PDE10A: variants seen among roughly 807,000 people sequenced by gnomAD.
PDE10A encodes cAMP and cAMP-inhibited cGMP 3',5'-cyclic phosphodiesterase 10A.
In PDE10A, 39 loss-of-function variants were observed where a neutral mutation model predicts 97.7. That is an observed-to-expected ratio of 0.40 (90% CI 0.31 to 0.52). The LOEUF (loss-of-function observed/expected upper bound fraction) is 0.52. Ranked by LOEUF, PDE10A falls within the 20% of genes least tolerant of loss-of-function variation. PDE10A has a pLI of 0.56. For missense variants in PDE10A, 731 were observed against 1,047.8 expected (o/e 0.70, Z 4.17); for synonymous variants, 371 against 376.8 (o/e 0.98, Z 0.18).
chr6:165,430,438 A>G (rs1033928944), intron 8 of PDE10A, 93 bp from the exon 9 acceptor site: 1 of 729,792 alleles, frequency 1.4e-6, no homozygotes, highest in African/African-American at 1.8e-5. Flanking sequence ...TTATTGAAAG[A>G]AGGCCTAACA....
chr6:165,555,741 T>C (rs1486165525), intron 1 of PDE10A, among the ~76,000 whole-genome samples: 5 of 152,156 alleles, frequency 3.3e-5, no homozygotes, highest in Admixed American at 2.0e-4. Context: ...CTGGAAGGTG[T>C]ACCCACAAAC....
chr6:165,652,061 T>G (rs1789712539), intron 1 of PDE10A, among the ~76,000 whole-genome samples: 1 of 152,230 alleles, frequency 6.6e-6, no homozygotes, highest in African/African-American at 2.4e-5. Context: ...TAAGTAGATC[T>G]TTAATCTGCC....
chr6:165,411,373 T>A (rs1249704425), intron 13 of PDE10A, among the ~76,000 whole-genome samples: 1 of 151,934 alleles, frequency 6.6e-6, no homozygotes, highest in South Asian at 2.1e-4. Context: ...AAAGCGTGGG[T>A]CCTAATCTCA....
At position 165,726,504 on chromosome 6, in the gene PDE10A, G is replaced by A. The variant is rs376414218; in HGVS notation, c.-614-182936C>T. On this transcript the variant is annotated intron_variant, in intron 1 of 19. Transcript: ENST00000366882. The stretch of plus-strand genomic sequence containing the variant: ...TCAAGCTGTGTCAGCAAAACCCAAT[G>A]AGAAGAGCACGGGTGCCGAGCACCG... 2.5e-3 allele frequency among the ~76,000 whole-genome samples: 375 copies of A among 151,840 alleles called. 17 individuals carry two copies. In the South Asian group the frequency reaches 0.075, roughly 31 times the overall value.
intron 5 of PDE10A, among the ~76,000 whole-genome samples, chr6:165,447,435 A>T (rs1790937132): frequency 6.6e-6 from 1 of 152,198 alleles, no homozygotes; most frequent in South Asian, 2.1e-4. Flanking sequence ...AGACCCGAGG[A>T]TAAGGGGTTG....
intron 1 of PDE10A, among the ~76,000 whole-genome samples, chr6:165,651,030 C>A (rs1480414349): frequency 6.6e-6 from 1 of 152,198 alleles, no homozygotes; most frequent in Non-Finnish European, 1.5e-5. Context: ...GCCACCACGC[C>A]CAGCCAACAT....
At chr6:165,692,362 C>G (rs1414301415) in intron 1 of PDE10A, among the ~76,000 whole-genome samples, 1 of 152,238 alleles carries the variant, frequency 6.6e-6, no homozygotes, top group African/African-American at 2.4e-5. Flanking sequence ...GCAGGAGGAG[C>G]TGCAGGGTTT....
chr6:165,525,260 G>T (rs1375566812), intron 2 of PDE10A, among the ~76,000 whole-genome samples: 1 of 152,152 alleles, frequency 6.6e-6, no homozygotes, highest in Non-Finnish European at 1.5e-5. Context: ...AAGGGTATGG[G>T]ATAATGGTGG....
At chr6:165,936,735 T>C (rs563464329) in intron 1 of PDE10A, among the ~76,000 whole-genome samples, 61 of 152,190 alleles carry the variant, frequency 4.0e-4, no homozygotes, top group Non-Finnish European at 6.5e-4. Context: ...TTTGACCATG[T>C]TGGCAAAAGA....
At chr6:165,763,549 C>T (rs1793302974) in intron 1 of PDE10A, among the ~76,000 whole-genome samples, 1 of 152,182 alleles carries the variant, frequency 6.6e-6, no homozygotes, top group Non-Finnish European at 1.5e-5. Context: ...TCTCGAACTC[C>T]TGACCTCAGG....
At position 165,671,536 on chromosome 6, in the gene PDE10A, T is replaced by C. The variant is rs1437143552; in HGVS notation, c.-614-127968A>G. Among the ~76,000 whole-genome samples, 1 of 152,186 alleles carries C rather than the reference T, an allele frequency of 6.6e-6. No homozygotes were observed. Among genetic ancestry groups the C allele is most frequent in the East Asian group, 1.9e-4 (1 of 5,186 alleles). On this transcript the variant is annotated intron_variant, in intron 1 of 19. Transcript: ENST00000366882. This position sits in a 1 kb window ranked among gnomAD's most constrained non-coding sequence, Gnocchi z 4.6. ...GTTGGCTGCTGTGTATATCTCTCCA[T>C]GACTGTGTTCAGCATGACTGCACTC...
chr6:165,860,897 T>C (rs1170289619), intron 1 of PDE10A, among the ~76,000 whole-genome samples: 1 of 152,168 alleles, frequency 6.6e-6, no homozygotes, highest in Non-Finnish European at 1.5e-5. Flanking sequence ...CATGGGCCTC[T>C]GTAAGGTAAC....
chr6:165,561,877 A>AT (rs1176925402), intron 1 of PDE10A, among the ~76,000 whole-genome samples: 1 of 152,260 alleles, frequency 6.6e-6, no homozygotes, highest in African/African-American at 2.4e-5. Flanking sequence ...AAATTTTAGC[A>AT]TTATTATTTT....
At chr6:165,854,972 C>T (rs1042476511) in intron 1 of PDE10A, among the ~76,000 whole-genome samples, 20 of 151,084 alleles carry the variant, frequency 1.3e-4, no homozygotes, top group African/African-American at 4.6e-4. Context: ...AGTTTAGGCG[C>T]GGGGGAAGAG....
chr6:165,604,445 G>A lies in PDE10A; in HGVS notation c.865+57502C>T, dbSNP rs142070639. Among the ~76,000 whole-genome samples the A allele has an allele frequency of 2.3e-3, 355 of 151,242 alleles. 2 individuals carry two copies. Among genetic ancestry groups the A allele is most frequent in the African/African-American group, 8.3e-3 (344 of 41,218 alleles). ...AGCCCCTTCTGGTCCAGCTGAGTAG[G>A]TGACATGCCCACGTGAGTGTCCACA... On this transcript the variant is annotated intron_variant, in intron 1 of 21. Coordinates refer to ENST00000539869, the MANE Select transcript of PDE10A (RefSeq NM_001385079.1).
At chr6:165,465,499 T>C (rs1392279235) in intron 3 of PDE10A, among the ~76,000 whole-genome samples, 1 of 151,952 alleles carries the variant, frequency 6.6e-6, no homozygotes, top group Non-Finnish European at 1.5e-5. Flanking sequence ...TACAAGAGAG[T>C]AAACAAGGCA....
chr6:165,662,125 G>C lies in PDE10A; in HGVS notation c.687C>G (p.Gly229=). Residue 229 remains glycine (G), a synonymous_variant, in exon 1 of 22, where the codon GGC becomes GGG. Transcript: ENST00000539869. ...LPLGQAARRA[G]SPGFPGAGPG... ...GGCCGGCGCCGGGGAAGCCGGGGGA[G>C]CCCGCGCGGCGGGCGGCCTGGCCAA... 1 of 935,180 alleles carries C rather than the reference G, an allele frequency of 1.1e-6. No individual in the cohort carries two copies. The highest frequency in any genetic ancestry group is 1.3e-6 in the Non-Finnish European group (1 of 777,486). 57.9% of individuals were successfully genotyped at this position (935,180 alleles called of 1,614,324 possible).
intron 20 of PDE10A, among the ~76,000 whole-genome samples, chr6:165,338,222 T>A (rs935461973): frequency 6.6e-6 from 1 of 152,264 alleles, no homozygotes; most frequent in Admixed American, 6.5e-5. Flanking sequence ...GTTGTGCTGG[T>A]ACCCTCTGTG....
chr6:165,936,273 T>C (rs1276410326), intron 1 of PDE10A, among the ~76,000 whole-genome samples: 1 of 151,902 alleles, frequency 6.6e-6, no homozygotes, highest in Non-Finnish European at 1.5e-5. Context: ...GAGGGAGGAA[T>C]GTGATGAACC....
Sources: allele counts gnomAD v4.1 joint callset (sites outside exome capture counted in the v4.1 genomes callset), GRCh38; gene constraint gnomAD v4.1.1; non-coding constraint Gnocchi (gnomAD v3.1); transcripts MANE v1.5; gene names NCBI Gene and HGNC (gene_info 2026-07-23, HGNC 2026-07-21).